The following CMYA5 variants were observed in gnomAD, a reference collection of about 807,000 sequenced individuals.
The protein encoded by CMYA5 is cardiomyopathy-associated protein 5.
A neutral mutation model predicts 318.9 loss-of-function variants in CMYA5; 246 were observed. That is an observed-to-expected ratio of 0.77 (90% CI 0.70 to 0.86). The LOEUF (loss-of-function observed/expected upper bound fraction) is 0.86. Ranked by LOEUF, CMYA5 falls within the 40% of genes least tolerant of loss-of-function variation. The probability of loss-of-function intolerance (pLI) is 0.00; values close to 1 mark genes in which losing one functional copy is unlikely to be tolerated. For synonymous variants in CMYA5, 1,641 were observed against 1,729.5 expected (o/e 0.95, Z 1.27); for missense variants, 4,589 against 4,678.2 (o/e 0.98, Z 0.56).
intron 1 of CMYA5, among the ~76,000 whole-genome samples, chr5:79,713,297 G>GCCCCCACGCTGCAC (rs1827438201): frequency 4.1e-5 from 1 of 24,244 alleles, no homozygotes; most frequent in East Asian, 3.9e-3. Context: ...GCTGCACCCC[G>GCCCCCACGCTGCAC]CCCCCACCCC....
At chr5:79,697,679 G>C (rs1350778360) in intron 1 of CMYA5, among the ~76,000 whole-genome samples, 2 of 152,120 alleles carry the variant, frequency 1.3e-5, no homozygotes, top group Non-Finnish European at 2.9e-5. Flanking sequence ...TACTGGCAGG[G>C]CCTGTGCTGG....
chr5:79,738,293 A>C lies in CMYA5; in HGVS notation c.9528A>C (p.Lys3176Asn). The part of the protein sequence containing the change: ...SRTQIFPTTI[K>N]VIDPEFLEEP... Reference sequence around the variant, plus strand: ...CCCAGATATTTCCTACCACTATTAAAGTCATTGATCCAGAATTTCTGGAGG... The same window carrying C: ...CCCAGATATTTCCTACCACTATTAACGTCATTGATCCAGAATTTCTGGAGG... The change falls in exon 2 of 13, where the codon AAA becomes AAC. Residue 3176 changes from lysine (K) to asparagine (N), a missense_variant. Coordinates refer to ENST00000446378, the MANE Select transcript of CMYA5 (RefSeq NM_153610.5). The C allele has an allele frequency of 1.2e-6, 2 of 1,613,492 alleles. No individual in the cohort carries two copies. Among genetic ancestry groups the C allele is most frequent in the Non-Finnish European group, 1.7e-6 (2 of 1,179,768 alleles).
chr5:79,712,161 A>G (rs1353428135), intron 1 of CMYA5, among the ~76,000 whole-genome samples: 2 of 152,154 alleles, frequency 1.3e-5, no homozygotes, highest in Non-Finnish European at 2.9e-5. Flanking sequence ...ATCCCTGTTC[A>G]TCCCAGGAGC....
rs545302879 is a variant in CMYA5, at chr5:79,708,865, C to G, written c.149+18809C>G. ...ACAAGAATCGGTTGAACCTGGGAGGCGGAGGTTGCAGTAAGCTGAGATCAC... is the reference window on the plus strand; with the variant it reads ...ACAAGAATCGGTTGAACCTGGGAGGGGGAGGTTGCAGTAAGCTGAGATCAC... On this transcript the variant is annotated intron_variant, in intron 1 of 12. Coordinates refer to ENST00000446378, the MANE Select transcript of CMYA5 (RefSeq NM_153610.5). 4.2e-4 allele frequency among the ~76,000 whole-genome samples: 64 copies of G among 152,158 alleles called. 1 individual carries two copies. The highest frequency in any genetic ancestry group is 3.4e-3 in the Middle Eastern group (1 of 294).
At position 79,789,105 on chromosome 5, in the gene CMYA5, G is replaced by T; in HGVS notation, c.11689+1G>T. 6.2e-7 allele frequency: 1 copy of T among 1,613,600 alleles called. No homozygotes were observed. The highest frequency in any genetic ancestry group is 2.2e-5 in the East Asian group (1 of 44,854). ...GAAGCTGCTCTCATCTCCACCAGAG[G>T]TACTTTCTCCTTTGCACACAGTGAG... On this transcript the variant is annotated splice_donor_variant, in intron 10 of 12. Coordinates refer to ENST00000446378, the MANE Select transcript of CMYA5 (RefSeq NM_153610.5). LOFTEE classifies it high-confidence loss of function.
intron 2 of CMYA5, among the ~76,000 whole-genome samples, chr5:79,742,624 C>A (rs943583387): frequency 2.6e-5 from 4 of 152,152 alleles, no homozygotes; most frequent in Non-Finnish European, 5.9e-5. Context: ...CCTTGTGTCT[C>A]CTCCCCAGTC....
At chr5:79,792,406 C>G (rs1465584176) in intron 11 of CMYA5, among the ~76,000 whole-genome samples, 2 of 152,124 alleles carry the variant, frequency 1.3e-5, no homozygotes, top group Non-Finnish European at 1.5e-5. Context: ...AATAAATAGA[C>G]TGGAGGAGGG....
At chr5:79,713,859 C>T (rs1447008046) in intron 1 of CMYA5, among the ~76,000 whole-genome samples, 1 of 152,138 alleles carries the variant, frequency 6.6e-6, no homozygotes, top group South Asian at 2.1e-4. Context: ...AGAAGATACT[C>T]ACTACTTCGA....
intron 1 of CMYA5, among the ~76,000 whole-genome samples, chr5:79,713,572 C>T (rs906812398): frequency 2.0e-5 from 3 of 152,030 alleles, no homozygotes; most frequent in African/African-American, 7.3e-5. Context: ...CGGATGTGTG[C>T]TTGCAGTTTA....
At chr5:79,792,477 T>C (rs1426503635) in intron 11 of CMYA5, among the ~76,000 whole-genome samples, 2 of 152,238 alleles carry the variant, frequency 1.3e-5, no homozygotes, top group Non-Finnish European at 2.9e-5. Flanking sequence ...TTTTATTTAT[T>C]ATTAACCTGA....
At chr5:79,758,254 C>CG in intron 6 of CMYA5, among the ~76,000 whole-genome samples, 1 of 148,412 alleles carries the variant, frequency 6.7e-6, no homozygotes, top group East Asian at 2.0e-4. Flanking sequence ...AAAAATTGGC[C>CG]GGTGTGGTGG....
rs765481046 is a variant in CMYA5, at chr5:79,730,286, A to G, written c.1521A>G (p.Glu507=). 2 of 1,613,936 alleles carry G rather than the reference A, an allele frequency of 1.2e-6. No individual in the cohort carries two copies. The highest frequency in any genetic ancestry group is 1.1e-5 in the South Asian group (1 of 91,026). Residue 507 remains glutamate (E), a synonymous_variant, in exon 2 of 13, where the codon GAA becomes GAG. Coordinates refer to ENST00000446378, the MANE Select transcript of CMYA5 (RefSeq NM_153610.5). Reference sequence around the variant, plus strand: ...TAATGTTAGAAGAACCAGAGAAAGAAGAAATAGAAACTTCCCTACCCATAG... The same window carrying G: ...TAATGTTAGAAGAACCAGAGAAAGAGGAAATAGAAACTTCCCTACCCATAG... ...EPLMLEEPEK[E]EIETSLPIAI...
In CMYA5 at chr5:79,799,578, C is replaced by T. The variant is rs572451622; in HGVS notation, c.12172C>T (p.Leu4058=). Residue 4058 remains leucine (L), a synonymous_variant, in exon 13 of 13, where the codon CTG becomes TTG. Coordinates refer to ENST00000446378, the MANE Select transcript of CMYA5 (RefSeq NM_153610.5). ...GAAACCTGGAAAATGTACTTTGCAC[C>T]TGGGGATAGAGCCCCCGGATTCTGT... ...LEKPGKCTLH[L]GIEPPDSVRH... 1 of 1,613,716 alleles carries T rather than the reference C, an allele frequency of 6.2e-7. No individual in the cohort carries two copies. Among genetic ancestry groups the T allele is most frequent in the South Asian group, 1.1e-5 (1 of 91,008 alleles).
chr5:79,767,128 A>G lies in CMYA5; in HGVS notation c.11555+3919A>G, dbSNP rs186446425. Among the ~76,000 whole-genome samples, 904 of 152,238 alleles carry G rather than the reference A, an allele frequency of 5.9e-3. 10 individuals are homozygous for G. The highest frequency in any genetic ancestry group is 0.02 in the African/African-American group (837 of 41,536). On this transcript the variant is annotated intron_variant, in intron 9 of 12. Coordinates refer to ENST00000446378, the MANE Select transcript of CMYA5 (RefSeq NM_153610.5). ...ATAGTATTCTCTGATGGTAGTTTGT[A>G]TTTCTGTGGGATCAGTGGTGATATC...
Position 79,729,301 on chromosome 5 carries a change from C to G in CMYA5, c.536C>G (p.Thr179Arg), listed in dbSNP as rs373527728. The G allele has an allele frequency of 1.2e-6, 2 of 1,610,552 alleles. No homozygotes were observed. Among genetic ancestry groups the G allele is most frequent in the East Asian group, 4.5e-5 (2 of 44,858 alleles). Residue 179 changes from threonine (T) to arginine (R), a missense_variant, in exon 2 of 13, where the codon ACG becomes AGG. Coordinates refer to ENST00000446378, the MANE Select transcript of CMYA5 (RefSeq NM_153610.5). ...ACTTCAGCAAGCCAGGTACTAACCA[C>G]GGAGAAAGAGAAGTCATATACTGGC... ...PLTSASQVLTTEKEKSYTGIY... is the reference protein window; with the variant it reads ...PLTSASQVLTREKEKSYTGIY...
chr5:79,702,894 G>A (rs1561627633), intron 1 of CMYA5, among the ~76,000 whole-genome samples: 1 of 152,102 alleles, frequency 6.6e-6, no homozygotes, highest in Non-Finnish European at 1.5e-5. Context: ...CAGCAACTGG[G>A]ACCCCTGCTA....
In CMYA5 at chr5:79,799,618, C is replaced by T. The variant is rs754380766; in HGVS notation, c.*2C>T. 1 of 1,602,476 alleles carries T rather than the reference C, an allele frequency of 6.2e-7. No individual in the cohort carries two copies. The highest frequency in any genetic ancestry group is 8.5e-7 in the Non-Finnish European group (1 of 1,171,862). ...CCGGATTCTGTAAGGCACAAGTGAT[C>T]CTTGGCTTTCAGAATTTGCAAGAAC... On this transcript the variant is annotated 3_prime_UTR_variant, in exon 13 of 13. Coordinates refer to ENST00000446378, the MANE Select transcript of CMYA5 (RefSeq NM_153610.5).
At chr5:79,759,352 G>T (rs1161128566) in intron 7 of CMYA5, among the ~76,000 whole-genome samples, 1 of 152,240 alleles carries the variant, frequency 6.6e-6, no homozygotes, top group African/African-American at 2.4e-5. Flanking sequence ...TGCAAATGAA[G>T]CATGGGATGT....
intron 2 of CMYA5, 81 bp downstream of exon 2, chr5:79,739,484 A>T: frequency 9.4e-7 from 1 of 1,064,872 alleles, no homozygotes; most frequent in Non-Finnish European, 1.3e-6. Context: ...AATTTTAAAG[A>T]TGATTAATAT....
Sources: allele counts gnomAD v4.1 joint callset (sites outside exome capture counted in the v4.1 genomes callset), GRCh38; gene constraint gnomAD v4.1.1; transcripts MANE v1.5; gene names NCBI Gene and HGNC (gene_info 2026-07-23, HGNC 2026-07-21).